Variants in SLC12A1 observed in about 807,000 individuals in gnomAD.
SLC12A1 encodes Na-K-2Cl cotransporter.
Under a neutral mutation model 130.4 loss-of-function variants are expected in SLC12A1, and 89 were observed. The ratio of observed to expected loss-of-function variants is 0.68; its 90% CI spans 0.58 to 0.81. The LOEUF is 0.81. Among genes scored for constraint, SLC12A1 ranks in the 40% least tolerant of loss-of-function variants. SLC12A1 has a pLI of 0.00. For missense variants in SLC12A1, 1,310 were observed against 1,336.4 expected (o/e 0.98, Z 0.31); for synonymous variants, 499 against 460.0 (o/e 1.08, Z -1.09).
In SLC12A1 at chr15:48,214,211, T is replaced by C. The variant is rs920868678; in HGVS notation, c.420+6072T>C. ...GTTCATTCTGATACTTTAGTTAGAG[T>C]TTCTTAGTACTCAGGGCCAGTTCCC... On this transcript the variant is annotated intron_variant, in intron 2 of 26. Transcript: ENST00000380993. Among the ~76,000 whole-genome samples, 16 of 152,020 alleles carry C rather than the reference T, an allele frequency of 1.1e-4. 1 individual carries two copies. Among genetic ancestry groups the C allele is most frequent in the African/African-American group, 3.9e-4 (16 of 41,368 alleles).
intron 20 of SLC12A1, among the ~76,000 whole-genome samples, chr15:48,280,184 A>G (rs2041996457): frequency 6.6e-6 from 1 of 151,240 alleles, no homozygotes. Context: ...AAAAAAAAAA[A>G]GACTGGGGAC....
At position 48,293,899 on chromosome 15, in the gene SLC12A1, T is replaced by C. The variant is rs561379906; in HGVS notation, c.2960+2035T>C. Among the ~76,000 whole-genome samples, 129 of 151,824 alleles carry C rather than the reference T, an allele frequency of 8.5e-4. 1 individual carries two copies. The highest frequency in any genetic ancestry group is 3.0e-3 in the African/African-American group (125 of 41,394). On this transcript the variant is annotated intron_variant, in intron 24 of 26. Transcript: ENST00000380993. ...CAAAAATAGCAAAAATTTGCCAGGC[T>C]TCGTGGTGTATGCCTGTAGTCCTAG...
chr15:48,251,627 C>T lies in SLC12A1; in HGVS notation c.1799C>T (p.Ala600Val), dbSNP rs750929775. The T allele has an allele frequency of 4.5e-5, 73 of 1,613,284 alleles. 1 individual carries two copies. The Admixed American group carries it at 4.7e-4, about 10-fold the overall frequency. Residue 600 changes from alanine (A) to valine (V), a missense_variant, in exon 15 of 27, where the codon GCG becomes GTG. Ala to Val is a moderately conservative substitution (Grantham distance 64, BLOSUM62 0). Transcript: ENST00000380993. ...SYAKSPGWRP[A>V]YGIYNMWVSL... Reference sequence around the variant, plus strand: ...ATTTTGTTTTCAGGATGGAGACCTGCGTATGGAATTTACAACATGTGGGTA... The same window carrying T: ...ATTTTGTTTTCAGGATGGAGACCTGTGTATGGAATTTACAACATGTGGGTA...
At chr15:48,220,416 C>G (rs920652505) in intron 2 of SLC12A1, among the ~76,000 whole-genome samples, 3 of 152,096 alleles carry the variant, frequency 2.0e-5, no homozygotes, top group African/African-American at 7.2e-5. Flanking sequence ...TTCCCTTCAC[C>G]CAGCCCTAAA....
At chr15:48,254,619 AAAAAAAAAAAAC>A (rs2041683983) in intron 15 of SLC12A1, among the ~76,000 whole-genome samples, 1 of 113,482 alleles carries the variant, frequency 8.8e-6, no homozygotes, top group African/African-American at 4.9e-5. Context: ...AAAAAAAAAA[AAAAAAAAAAAAC>A]CCAAAAAAGA....
chr15:48,256,097 G>C lies in SLC12A1; in HGVS notation c.2042+187G>C, dbSNP rs34740161. On this transcript the variant is annotated intron_variant, in intron 16 of 26. Coordinates refer to ENST00000380993, the MANE Select transcript of SLC12A1 (RefSeq NM_000338.3). Reference sequence around the variant, plus strand: ...GTGAGTGCTTCTTTCCTTCCACACTGAGCTATGCCCATCCCAAACTACAGC... The same window carrying C: ...GTGAGTGCTTCTTTCCTTCCACACTCAGCTATGCCCATCCCAAACTACAGC... Among the ~76,000 whole-genome samples, 737 of 152,290 alleles carry C rather than the reference G, an allele frequency of 4.8e-3. 8 individuals are homozygous for C. The highest frequency in any genetic ancestry group is 0.044 in the Middle Eastern group (13 of 294).
intron 17 of SLC12A1, among the ~76,000 whole-genome samples, chr15:48,263,073 G>C (rs2041793636): frequency 1.3e-5 from 2 of 152,310 alleles, no homozygotes; most frequent in South Asian, 4.1e-4. Context: ...AGTTCTAGAA[G>C]TCTTATGGGA....
chr15:48,210,414 A>C (rs2041038125), intron 2 of SLC12A1, among the ~76,000 whole-genome samples: 1 of 152,314 alleles, frequency 6.6e-6, no homozygotes, highest in African/African-American at 2.4e-5. Flanking sequence ...TTCTAACTTC[A>C]TTAAAAAAGA....
At chr15:48,235,053 G>T in intron 9 of SLC12A1, 49 bp downstream of exon 9, 1 of 1,592,428 alleles carries the variant, frequency 6.3e-7, no homozygotes, top group Non-Finnish European at 8.6e-7. Context: ...GGTACACTTG[G>T]TGGGTAGCAC....
Position 48,262,531 on chromosome 15 carries a change from C to A in SLC12A1, c.2154+3220C>A, listed in dbSNP as rs371674702. Among the ~76,000 whole-genome samples the A allele has an allele frequency of 1.3e-4, 20 of 152,244 alleles. No individual in the cohort carries two copies. In the East Asian group the frequency reaches 3.9e-3, roughly 29 times the overall value. ...CCAACTATCCAGCTAACTCTTAACA[C>A]TCTCCGCAGGCCTCTTCCTCTCTCT... On this transcript the variant is annotated intron_variant, in intron 17 of 26. Transcript: ENST00000380993.
At position 48,274,568 on chromosome 15, in the gene SLC12A1, C is replaced by T; in HGVS notation, c.2403-3C>T. On this transcript the variant is annotated splice_region_variant and splice_polypyrimidine_tract_variant and intron_variant, in intron 19 of 26. Coordinates refer to ENST00000380993, the MANE Select transcript of SLC12A1 (RefSeq NM_000338.3). Reference sequence around the variant, plus strand: ...ACGCTGACTGCTTTGCTTCCTCTTTCAGTGATGCATTTGATTTTGAGATTG... The same window carrying T: ...ACGCTGACTGCTTTGCTTCCTCTTTTAGTGATGCATTTGATTTTGAGATTG... The T allele has an allele frequency of 6.2e-7, 1 of 1,608,300 alleles. No individual in the cohort carries two copies. Among genetic ancestry groups the T allele is most frequent in the Non-Finnish European group, 8.5e-7 (1 of 1,175,838 alleles).
intron 4 of SLC12A1, chr15:48,221,467 T>C (rs543085076): frequency 3.2e-5 from 22 of 682,338 alleles, no homozygotes; most frequent in Non-Finnish European, 5.6e-5. Context: ...AATAATTGTG[T>C]TACTTTCGGG....
intron 2 of SLC12A1, among the ~76,000 whole-genome samples, chr15:48,212,088 G>A (rs1321964949): frequency 6.6e-6 from 1 of 152,048 alleles, no homozygotes; most frequent in Non-Finnish European, 1.5e-5. Flanking sequence ...GTTTCTATAA[G>A]TATAAAGTCT....
At position 48,269,743 on chromosome 15, in the gene SLC12A1, A is replaced by T. The variant is rs1209991207; in HGVS notation, c.2381A>T (p.Glu794Val). The change falls in exon 19 of 27, where the codon GAG becomes GTG. Residue 794 changes from glutamate to valine, a missense_variant. Coordinates refer to ENST00000380993, the MANE Select transcript of SLC12A1 (RefSeq NM_000338.3). The part of the protein sequence containing the change: ...NWRKAPLTEI[E>V]NYVGIIHDAF... ...AGGAAAGCTCCCTTGACAGAGATTG[A>T]GAACTACGTGGGAATCATACAGTAA... 6.2e-7 allele frequency: 1 copy of T among 1,600,830 alleles called. No individual in the cohort carries two copies. The highest frequency in any genetic ancestry group is 1.7e-5 in the Admixed American group (1 of 59,944).
intron 19 of SLC12A1, among the ~76,000 whole-genome samples, chr15:48,270,768 A>ATG (rs2041886802): frequency 9.3e-6 from 1 of 107,622 alleles, no homozygotes; most frequent in Admixed American, 1.0e-4. Context: ...ATATATATAT[A>ATG]TATATATATA....
chr15:48,247,524 T>C (rs992372809), intron 13 of SLC12A1, 64 bp downstream of exon 13: 1 of 1,270,112 alleles, frequency 7.9e-7, no homozygotes, highest in African/African-American at 1.5e-5. Context: ...CATAGGGCTT[T>C]CCTTTTAGTT....
chr15:48,294,347 C>CAAA (rs1202623612), intron 24 of SLC12A1, among the ~76,000 whole-genome samples: 12 of 45,732 alleles, frequency 2.6e-4, no homozygotes, highest in Admixed American at 7.2e-4. Flanking sequence ...GACTACATCT[C>CAAA]AAAAAAAAAA....
intron 8 of SLC12A1, among the ~76,000 whole-genome samples, 197 bp from the exon 9 acceptor site, chr15:48,234,680 G>A (rs1018990818): frequency 6.6e-6 from 1 of 152,014 alleles, no homozygotes; most frequent in African/African-American, 2.4e-5. Context: ...TTGAACCTGG[G>A]AGGCAGAGGT....
In SLC12A1 at chr15:48,249,659, CTTA is replaced by C; in HGVS notation, c.1771_1773del (p.Tyr591del). On this transcript the variant is annotated inframe_deletion, in exon 14 of 27. Transcript: ENST00000380993. ...ATTAATTTCTCCTGCTTCCATGCCT[CTTA>C]TGCCAAATCTCCAGGTAAGCTGACT... 6.2e-7 allele frequency: 1 copy of C among 1,613,274 alleles called. No individual in the cohort carries two copies. Among genetic ancestry groups the C allele is most frequent in the Non-Finnish European group, 8.5e-7 (1 of 1,179,284 alleles).
Sources: gnomAD v4.1 joint callset for allele counts (sites outside exome capture counted in the v4.1 genomes callset) on GRCh38, gnomAD v4.1.1 for gene constraint, MANE v1.5 for transcripts, NCBI Gene and HGNC (gene_info 2026-07-23, HGNC 2026-07-21) for gene names.